The following MLPH variants were observed in gnomAD, a reference collection of about 807,000 sequenced individuals.
MLPH encodes exophilin-3.
In MLPH, 51 loss-of-function variants were observed where a neutral mutation model predicts 72.1. The observed-to-expected ratio is 0.71, with a 90% CI of 0.56 to 0.89. The LOEUF (loss-of-function observed/expected upper bound fraction) is 0.89, where lower values mean the gene tolerates loss of function less well. Among genes scored for constraint, MLPH ranks in the 40% least tolerant of loss-of-function variants. MLPH has a pLI of 0.00. For synonymous variants in MLPH, 301 were observed against 310.1 expected (o/e 0.97, Z 0.31); for missense variants, 743 against 759.9 (o/e 0.98, Z 0.26).
chr2:237,489,130 T>G (rs1470165834), intron 1 of MLPH, among the ~76,000 whole-genome samples: 1 of 152,236 alleles, frequency 6.6e-6, no homozygotes, highest in Non-Finnish European at 1.5e-5. Context: ...TGGCTGTGCC[T>G]GAACTGGGAT....
intron 12 of MLPH, chr2:237,546,273 A>T (rs2080916836): frequency 5.2e-6 from 2 of 383,984 alleles, no homozygotes; most frequent in Non-Finnish European, 9.9e-6. Flanking sequence ...CCTCAGGGGG[A>T]TGACTGTGAA....
chr2:237,527,347 A>G (rs2080325862), intron 7 of MLPH, 30 bp from the exon 8 acceptor site: 4 of 1,614,150 alleles, frequency 2.5e-6, no homozygotes, highest in Non-Finnish European at 3.4e-6. Context: ...TTTTCACTGC[A>G]AGTAATTCAA....
In MLPH at chr2:237,510,671, C is replaced by T. The variant is rs762713939; in HGVS notation, c.208C>T (p.Pro70Ser). 1.2e-6 allele frequency: 2 copies of T among 1,613,822 alleles called. No homozygotes were observed. Among genetic ancestry groups the T allele is most frequent in the East Asian group, 2.2e-5 (1 of 44,882 alleles). Residue 70 changes from proline (P) to serine (S), a missense_variant, in exon 3 of 16, where the codon CCC (proline) becomes TCC (serine). Transcript: ENST00000264605. The surrounding 1 kb of genome is among the most constrained non-coding windows in gnomAD (Gnocchi z 4.4). ...GACCCACTGCGCCCGCTGCCTGCAG[C>T]CCTACCAGCTGCTTGTGAATAGCAA... The part of the protein sequence containing the change: ...NETHCARCLQ[P>S]YQLLVNSKRQ...
chr2:237,553,558 C>A lies in MLPH; in HGVS notation c.1777-8C>A, dbSNP rs2081078830. 2 of 1,613,830 alleles carry A rather than the reference C, an allele frequency of 1.2e-6. No individual in the cohort carries two copies. Among genetic ancestry groups the A allele is most frequent in the South Asian group, 2.2e-5 (2 of 91,058 alleles). ...GCTTATATGTGCATGTGTGTTTGTACTTTACAGAAACCTGTGGTGGCCCAC... is the reference window on the plus strand; with the variant it reads ...GCTTATATGTGCATGTGTGTTTGTAATTTACAGAAACCTGTGGTGGCCCAC... On this transcript the variant is annotated splice_region_variant and splice_polypyrimidine_tract_variant and intron_variant, in intron 15 of 15. Coordinates refer to ENST00000264605, the MANE Select transcript of MLPH (RefSeq NM_024101.7).
chr2:237,539,028 C>T (rs1574891439), intron 9 of MLPH, among the ~76,000 whole-genome samples: 1 of 152,116 alleles, frequency 6.6e-6, no homozygotes, highest in South Asian at 2.1e-4. Flanking sequence ...ACAGCCCGGC[C>T]AAGATGGGCG....
intron 10 of MLPH, 23 bp from the exon 11 acceptor site, chr2:237,540,779 G>A (rs372208838): frequency 2.9e-5 from 46 of 1,611,836 alleles, no homozygotes; most frequent in Non-Finnish European, 3.6e-5. Flanking sequence ...CTGCTGGTCA[G>A]CCTCCGTCCT....
chr2:237,514,989 GTT>G (rs768489863), intron 4 of MLPH, among the ~76,000 whole-genome samples: 58 of 152,222 alleles, frequency 3.8e-4, no homozygotes, highest in Non-Finnish European at 7.3e-4. Flanking sequence ...GATCTCAGCT[GTT>G]TGTTATAAAG....
At chr2:237,494,303 A>G (rs1472495267) in intron 2 of MLPH, among the ~76,000 whole-genome samples, 1 of 152,124 alleles carries the variant, frequency 6.6e-6, no homozygotes, top group Non-Finnish European at 1.5e-5. Context: ...TGAAGATGGC[A>G]GGAGGGAGCC....
At chr2:237,530,205 C>T (rs1451056304) in intron 8 of MLPH, among the ~76,000 whole-genome samples, 2 of 144,868 alleles carry the variant, frequency 1.4e-5, no homozygotes, top group South Asian at 2.1e-4. Context: ...CACTGGCTCA[C>T]GAGTGGGCAA....
chr2:237,546,549 G>C, intron 12 of MLPH, 57 bp from the exon 13 acceptor site: 2 of 1,484,734 alleles, frequency 1.3e-6, no homozygotes, highest in Non-Finnish European at 1.9e-6. Flanking sequence ...CCATGCCCAT[G>C]CTCCTCCCTG....
rs1206952347 is a variant in MLPH, at chr2:237,553,868, G to A, written c.*276G>A. The A allele has an allele frequency of 1.6e-6, 1 of 632,574 alleles. No homozygotes were observed. Among genetic ancestry groups the A allele is most frequent in the Non-Finnish European group, 2.9e-6 (1 of 341,580 alleles). The allele number at this position is 632,574 out of a possible 1,614,324, so 39.2% of individuals were successfully genotyped here. A position where few individuals can be genotyped will look rare whatever the true frequency, so the allele number is the denominator to read the frequency against. ...TGCTGTGACTTCCCTTTAGGACAAT[G>A]TTGTGTAAATCTTTGAAGGACACAC... On this transcript the variant is annotated 3_prime_UTR_variant, in exon 16 of 16. Transcript: ENST00000264605.
At chr2:237,545,677 T>C (rs999020633) in intron 12 of MLPH, 1 of 1,224,530 alleles carries the variant, frequency 8.2e-7, no homozygotes. Flanking sequence ...CCTGATCCCA[T>C]TCAGGAATCT....
chr2:237,510,563 A>AT lies in MLPH; in HGVS notation c.111-7dup. On this transcript the variant is annotated splice_polypyrimidine_tract_variant and intron_variant, in intron 2 of 15. Coordinates refer to ENST00000264605, the MANE Select transcript of MLPH (RefSeq NM_024101.7). This position sits in a 1 kb window ranked among gnomAD's most constrained non-coding sequence, Gnocchi z 4.4. Reference sequence around the variant, plus strand: ...GCCCAATATATTTCTTGTTTCTGATATTTTCCCAAGGGCGTTGAAGGGCAA... The same window carrying AT: ...GCCCAATATATTTCTTGTTTCTGATATTTTTCCCAAGGGCGTTGAAGGGCAA... 1 of 1,612,664 alleles carries AT rather than the reference A, an allele frequency of 6.2e-7. No individual in the cohort carries two copies. The highest frequency in any genetic ancestry group is 1.1e-5 in the South Asian group (1 of 91,044).
At chr2:237,516,806 T>A (rs1281264385) in intron 4 of MLPH, among the ~76,000 whole-genome samples, 1 of 149,024 alleles carries the variant, frequency 6.7e-6, no homozygotes, top group Non-Finnish European at 1.5e-5. Flanking sequence ...GATGGATGGA[T>A]GGATGGATGG....
chr2:237,493,603 G>T (rs1278958745), intron 2 of MLPH, 67 bp downstream of exon 2: 2 of 1,262,968 alleles, frequency 1.6e-6, no homozygotes, highest in Non-Finnish European at 2.3e-6. Context: ...CATCATATGG[G>T]TGCTGTCTGG....
intron 4 of MLPH, 61 bp from the exon 5 acceptor site, chr2:237,518,478 A>G: frequency 7.1e-7 from 1 of 1,399,118 alleles, no homozygotes; most frequent in Non-Finnish European, 1.0e-6. Context: ...GGATGGGCTG[A>G]CAAATGGCTT....
chr2:237,535,597 A>T (rs764809580), intron 9 of MLPH, among the ~76,000 whole-genome samples: 10 of 152,174 alleles, frequency 6.6e-5, no homozygotes, highest in Non-Finnish European at 1.2e-4. Flanking sequence ...ACAGCCACAC[A>T]TCTAGCACCT....
chr2:237,508,556 G>A (rs2079824418), intron 2 of MLPH, among the ~76,000 whole-genome samples: 1 of 152,172 alleles, frequency 6.6e-6, no homozygotes, highest in Non-Finnish European at 1.5e-5. Flanking sequence ...GGCAAATGAT[G>A]TCTCAGCATT....
At chr2:237,525,460 G>A (rs1312589826) in intron 6 of MLPH, 141 bp from the exon 7 acceptor site, 1 of 750,688 alleles carries the variant, frequency 1.3e-6, no homozygotes, top group African/African-American at 1.8e-5. Flanking sequence ...TGAGTGGCAG[G>A]GGCCAGCGCA....
Sources: gnomAD v4.1 joint callset for allele counts (sites outside exome capture counted in the v4.1 genomes callset) on GRCh38, gnomAD v4.1.1 for gene constraint, Gnocchi (gnomAD v3.1) non-coding constraint, MANE v1.5 for transcripts, NCBI Gene and HGNC (gene_info 2026-07-23, HGNC 2026-07-21) for gene names.